SPOCK3: variants seen among roughly 807,000 people sequenced by gnomAD.
SPOCK3 encodes the protein testican-3.
Under a neutral mutation model 56.6 loss-of-function variants are expected in SPOCK3, and 30 were observed. The ratio of observed to expected loss-of-function variants is 0.53; its 90% CI spans 0.40 to 0.72. SPOCK3 has a LOEUF of 0.72. Ranked by LOEUF, SPOCK3 falls within the 30% of genes least tolerant of loss-of-function variation. The pLI, the probability that SPOCK3 is intolerant of heterozygous loss-of-function variation, is 0.00. For synonymous variants in SPOCK3, 196 were observed against 183.3 expected (o/e 1.07, Z -0.56); for missense variants, 527 against 530.0 (o/e 0.99, Z 0.06).
intron 2 of SPOCK3, among the ~76,000 whole-genome samples, chr4:167,139,802 C>T (rs1763388477): frequency 6.6e-6 from 1 of 151,992 alleles, no homozygotes; most frequent in Non-Finnish European, 1.5e-5. Context: ...TCTTTCATCT[C>T]TCAGATTAGT....
At chr4:166,861,053 C>T (rs868475526) in intron 6 of SPOCK3, among the ~76,000 whole-genome samples, 8 of 151,632 alleles carry the variant, frequency 5.3e-5, no homozygotes, top group Middle Eastern at 6.8e-3. Flanking sequence ...TTAGTTCTCC[C>T]GACTCAGAAT....
chr4:167,094,230 T>G (rs1253342651), intron 2 of SPOCK3, among the ~76,000 whole-genome samples: 1 of 152,056 alleles, frequency 6.6e-6, no homozygotes, highest in African/African-American at 2.4e-5. Context: ...TCAGCTGAGG[T>G]ACTGCATGAG....
chr4:166,872,445 T>A (rs1049201856), intron 6 of SPOCK3, among the ~76,000 whole-genome samples: 1 of 152,220 alleles, frequency 6.6e-6, no homozygotes, highest in Middle Eastern at 3.4e-3. Context: ...AAAAACAAAC[T>A]ATACATATGG....
At chr4:167,205,123 C>T (rs187597160) in intron 2 of SPOCK3, among the ~76,000 whole-genome samples, 1 of 108,318 alleles carries the variant, frequency 9.2e-6, no homozygotes, top group South Asian at 2.6e-4. Context: ...CCATGCCTGA[C>T]TGAAAAAAAA....
At chr4:166,822,921 T>C (rs1745078368) in intron 6 of SPOCK3, among the ~76,000 whole-genome samples, 1 of 152,042 alleles carries the variant, frequency 6.6e-6, no homozygotes, top group South Asian at 2.1e-4. Flanking sequence ...TTGCTGTTTA[T>C]GGTACAAAAA....
At chr4:167,055,370 G>C (rs958961067) in intron 3 of SPOCK3, among the ~76,000 whole-genome samples, 4 of 152,320 alleles carry the variant, frequency 2.6e-5, no homozygotes, top group African/African-American at 9.6e-5. Flanking sequence ...CCCAGCGTGA[G>C]CAACGCAGAA....
intron 2 of SPOCK3, among the ~76,000 whole-genome samples, chr4:167,131,614 A>C (rs1345210133): frequency 1.3e-5 from 2 of 152,106 alleles, no homozygotes; most frequent in Non-Finnish European, 2.9e-5. Flanking sequence ...CACAAAAAAA[A>C]CCAAAACCAA....
intron 2 of SPOCK3, among the ~76,000 whole-genome samples, chr4:167,072,700 A>G (rs1756796400): frequency 6.6e-6 from 1 of 151,946 alleles, no homozygotes; most frequent in Non-Finnish European, 1.5e-5. Context: ...GACCATCAGT[A>G]TCTCATCTAG....
intron 4 of SPOCK3, among the ~76,000 whole-genome samples, chr4:167,000,043 G>T (rs922241929): frequency 6.6e-6 from 1 of 151,976 alleles, no homozygotes; most frequent in Non-Finnish European, 1.5e-5. Flanking sequence ...TATGTAGAGG[G>T]AACAAAACTA....
At chr4:166,887,085 AT>A (rs1411451005) in intron 6 of SPOCK3, among the ~76,000 whole-genome samples, 1 of 152,114 alleles carries the variant, frequency 6.6e-6, no homozygotes, top group African/African-American at 2.4e-5. Flanking sequence ...TGATATATTA[AT>A]ATACACACTA....
intron 5 of SPOCK3, among the ~76,000 whole-genome samples, chr4:166,905,337 T>C (rs2127071441): frequency 6.6e-6 from 1 of 152,074 alleles, no homozygotes; most frequent in Middle Eastern, 3.4e-3. Context: ...ATGGACTGTT[T>C]ATAAACTACA....
intron 2 of SPOCK3, among the ~76,000 whole-genome samples, chr4:167,112,637 T>C (rs1174239393): frequency 6.6e-6 from 1 of 152,084 alleles, no homozygotes; most frequent in Non-Finnish European, 1.5e-5. Context: ...ATTACTGCTT[T>C]AAAATTGTTC....
intron 7 of SPOCK3, among the ~76,000 whole-genome samples, chr4:166,773,179 A>G (rs1036227401): frequency 1.3e-5 from 2 of 152,294 alleles, no homozygotes; most frequent in African/African-American, 4.8e-5. Flanking sequence ...ATTCATTATG[A>G]TTATTTTCAC....
chr4:166,859,671 T>A (rs1018997773), intron 6 of SPOCK3, among the ~76,000 whole-genome samples: 8 of 152,098 alleles, frequency 5.3e-5, no homozygotes, highest in African/African-American at 1.7e-4. Flanking sequence ...ATGAATCAGA[T>A]AATTCACTCA....
chr4:166,772,050 G>A (rs1489119742), intron 7 of SPOCK3, among the ~76,000 whole-genome samples: 1 of 151,806 alleles, frequency 6.6e-6, no homozygotes, highest in African/African-American at 2.4e-5. Flanking sequence ...AGAAAATCAC[G>A]GAAAATCAGT....
intron 2 of SPOCK3, among the ~76,000 whole-genome samples, chr4:167,167,669 T>A (rs1730101230): frequency 6.6e-6 from 1 of 152,162 alleles, no homozygotes; most frequent in African/African-American, 2.4e-5. Context: ...TTAAATTGAG[T>A]CAAATGTAGA....
intron 2 of SPOCK3, among the ~76,000 whole-genome samples, chr4:167,170,255 A>G (rs890856727): frequency 1.3e-5 from 2 of 152,142 alleles, no homozygotes; most frequent in African/African-American, 4.8e-5. Context: ...GTTCTATATA[A>G]AATGCTAGAA....
chr4:167,032,413 C>T (rs1752360431), intron 3 of SPOCK3, among the ~76,000 whole-genome samples: 2 of 151,952 alleles, frequency 1.3e-5, no homozygotes, highest in South Asian at 4.1e-4. Flanking sequence ...CTTGGCACCG[C>T]TCTGCTGTTG....
chr4:166,752,534 T>G (rs1466551778), intron 8 of SPOCK3, among the ~76,000 whole-genome samples: 1 of 150,476 alleles, frequency 6.6e-6, no homozygotes, highest in East Asian at 2.0e-4. Context: ...CAGCTATATA[T>G]AGAGTAGCTA....
Sources: gnomAD v4.1 joint callset for allele counts (sites outside exome capture counted in the v4.1 genomes callset) on GRCh38, gnomAD v4.1.1 for gene constraint, MANE v1.5 for transcripts, NCBI Gene and HGNC (gene_info 2026-07-23, HGNC 2026-07-21) for gene names.